EPHA6: variants seen among roughly 807,000 people sequenced by gnomAD.
EPHA6 encodes the protein ephrin type-A receptor 6.
In EPHA6, 50 loss-of-function variants were observed where a neutral mutation model predicts 112.0. The observed-to-expected ratio is 0.45, with a 90% confidence interval of 0.36 to 0.56. The LOEUF is 0.56. Among genes scored for constraint, EPHA6 ranks in the 20% least tolerant of loss-of-function variants. The probability of loss-of-function intolerance (pLI) is 0.00; values close to 1 mark genes in which losing one functional copy is unlikely to be tolerated. For missense variants in EPHA6, 1,280 were observed against 1,417.4 expected (o/e 0.90, Z 1.56); for synonymous variants, 529 against 490.7 (o/e 1.08, Z -1.03).
chr3:96,959,433 A>AT lies in EPHA6; in HGVS notation c.451-27888dup, dbSNP rs572083417. ...TCCTTTATCAAATATATGAATAACA[A>AT]TTTTTTTTTCTATTCTGTAGGTTGT... On this transcript the variant is annotated intron_variant, in intron 2 of 17. Transcript: ENST00000389672. Among the ~76,000 whole-genome samples, 1,367 of 151,662 alleles carry AT rather than the reference A, an allele frequency of 9.0e-3. 34 individuals carry two copies. Among genetic ancestry groups the AT allele is most frequent in the African/African-American group, 0.031 (1,262 of 41,344 alleles).
At chr3:97,416,855 T>C (rs1193161922) in intron 6 of EPHA6, among the ~76,000 whole-genome samples, 3 of 152,128 alleles carry the variant, frequency 2.0e-5, no homozygotes, top group Admixed American at 6.6e-5. Context: ...CAGTTATTTT[T>C]CCCCAATCCA....
intron 3 of EPHA6, among the ~76,000 whole-genome samples, chr3:97,208,862 TACAA>T (rs2077787353): frequency 1.3e-5 from 2 of 152,110 alleles, no homozygotes; most frequent in Admixed American, 6.6e-5. Flanking sequence ...GTATGATAAA[TACAA>T]ACACATATTA....
chr3:96,834,620 G>C (rs539539691), intron 1 of EPHA6, among the ~76,000 whole-genome samples: 2 of 151,864 alleles, frequency 1.3e-5, no homozygotes, highest in Non-Finnish European at 2.9e-5. Flanking sequence ...AGTTTTCTGG[G>C]ATTCAATAGA....
intron 12 of EPHA6, among the ~76,000 whole-genome samples, chr3:97,600,210 A>C (rs1194160806): frequency 1.3e-5 from 2 of 150,342 alleles, no homozygotes; most frequent in South Asian, 2.1e-4. Context: ...TGTCGTCTGC[A>C]AACAGGGACA....
intron 5 of EPHA6, among the ~76,000 whole-genome samples, chr3:97,278,982 G>A (rs1304407944): frequency 1.3e-5 from 2 of 152,178 alleles, no homozygotes; most frequent in African/African-American, 2.4e-5. Context: ...AGGCTGTGTG[G>A]GCTCTTTATC....
At chr3:97,665,540 AG>A (rs746961219) in intron 14 of EPHA6, among the ~76,000 whole-genome samples, 1 of 152,240 alleles carries the variant, frequency 6.6e-6, no homozygotes, top group African/African-American at 2.4e-5. Context: ...GTTAAAAAAA[AG>A]ATCCAGCCTG....
intron 2 of EPHA6, among the ~76,000 whole-genome samples, chr3:96,902,135 G>A (rs1227183045): frequency 1.3e-5 from 2 of 152,166 alleles, no homozygotes; most frequent in Non-Finnish European, 2.9e-5. Context: ...GGACAAGGAC[G>A]ATGGAGACTG....
rs747184842 is a variant in EPHA6 at position 96,987,860 on chromosome 3, G to T, written c.981G>T (p.Arg327=). ...RVDSSSLVEV[R]GSCVKSAEER... ...ATTCCTCCTCTTTGGTTGAAGTACG[G>T]GGTTCTTGTGTGAAGAGTGCTGAAG... is the stretch of plus-strand genomic sequence containing the variant. Residue 327 remains arginine (R), a synonymous_variant, in exon 3 of 18, where the codon CGG becomes CGT. Coordinates refer to ENST00000389672, the MANE Select transcript of EPHA6 (RefSeq NM_001080448.3). 1 of 1,613,820 alleles carries T rather than the reference G, an allele frequency of 6.2e-7. No homozygotes were observed. Among genetic ancestry groups the T allele is most frequent in the Non-Finnish European group, 8.5e-7 (1 of 1,179,836 alleles).
At chr3:97,378,128 C>G (rs990405604) in intron 5 of EPHA6, among the ~76,000 whole-genome samples, 1 of 152,130 alleles carries the variant, frequency 6.6e-6, no homozygotes, top group South Asian at 2.1e-4. Flanking sequence ...CCCAGGGTCC[C>G]CATTCTGTGT....
intron 6 of EPHA6, among the ~76,000 whole-genome samples, chr3:97,422,407 T>C (rs985632373): frequency 6.6e-6 from 1 of 152,092 alleles, no homozygotes; most frequent in East Asian, 1.9e-4. Context: ...AATACTTAAG[T>C]ATCAAAATAT....
At chr3:97,302,705 G>A (rs2081144904) in intron 5 of EPHA6, among the ~76,000 whole-genome samples, 5 of 151,750 alleles carry the variant, frequency 3.3e-5, no homozygotes, top group African/African-American at 1.2e-4. Flanking sequence ...TGCCTGGAAA[G>A]TTAAAGGCAC....
At chr3:97,613,247 A>G (rs1008646456) in intron 13 of EPHA6, among the ~76,000 whole-genome samples, 4 of 152,122 alleles carry the variant, frequency 2.6e-5, no homozygotes, top group African/African-American at 9.7e-5. Flanking sequence ...ATAAATATAT[A>G]TAGCCCATAC....
intron 5 of EPHA6, among the ~76,000 whole-genome samples, chr3:97,368,270 A>G (rs1320793570): frequency 3.3e-5 from 5 of 152,200 alleles, no homozygotes; most frequent in Non-Finnish European, 7.4e-5. Flanking sequence ...GCTAGTCTAC[A>G]CAGACATTAA....
At chr3:97,366,781 T>C (rs1018816048) in intron 5 of EPHA6, among the ~76,000 whole-genome samples, 14 of 152,336 alleles carry the variant, frequency 9.2e-5, no homozygotes, top group African/African-American at 3.4e-4. Flanking sequence ...CCTTGGATTG[T>C]AAGTCCAGAA....
At chr3:97,505,523 C>T (rs2107570784) in intron 10 of EPHA6, among the ~76,000 whole-genome samples, 1 of 152,190 alleles carries the variant, frequency 6.6e-6, no homozygotes, top group African/African-American at 2.4e-5. Context: ...TGAACTCATC[C>T]TTTTTTATGG....
intron 1 of EPHA6, among the ~76,000 whole-genome samples, chr3:96,837,742 A>T (rs2034502081): frequency 6.6e-6 from 1 of 152,140 alleles, no homozygotes; most frequent in African/African-American, 2.4e-5. Flanking sequence ...TAATACGTAT[A>T]ACAAAATCAA....
rs191876165 is a variant in EPHA6 at position 97,357,992 on chromosome 3, G to A, written c.1607-47158G>A. ...CATGGCAGATGCAGAAGATGTGGAC[G>A]AGGTGGAAAAGGAGACAGGAGAGGC... On this transcript the variant is annotated intron_variant, in intron 5 of 17. Transcript: ENST00000389672. 2.5e-3 allele frequency among the ~76,000 whole-genome samples: 373 copies of A among 152,178 alleles called. 1 individual carries two copies. Among genetic ancestry groups the A allele is most frequent in the African/African-American group, 8.0e-3 (331 of 41,524 alleles).
At chr3:97,026,334 G>A (rs1265095408) in intron 3 of EPHA6, among the ~76,000 whole-genome samples, 2 of 152,030 alleles carry the variant, frequency 1.3e-5, no homozygotes, top group African/African-American at 2.4e-5. Flanking sequence ...AATGGGAATA[G>A]CATTGAATCT....
chr3:97,316,441 G>A (rs1343867976), intron 5 of EPHA6, among the ~76,000 whole-genome samples: 1 of 152,008 alleles, frequency 6.6e-6, no homozygotes, highest in East Asian at 1.9e-4. Context: ...CCACATGCAA[G>A]GAGAAACCTC....
Sources: allele counts gnomAD v4.1 joint callset (sites outside exome capture counted in the v4.1 genomes callset), GRCh38; gene constraint gnomAD v4.1.1; transcripts MANE v1.5; gene names NCBI Gene and HGNC (gene_info 2026-07-23, HGNC 2026-07-21).